WWP2: variants seen among roughly 807,000 people sequenced by gnomAD.
WWP2 encodes the protein WW domain containing E3 ubiquitin protein ligase 2.
Under a neutral mutation model 121.0 loss-of-function variants are expected in WWP2, and 57 were observed. The observed-to-expected ratio is 0.47, with a 90% CI of 0.38 to 0.59. The LOEUF (loss-of-function observed/expected upper bound fraction) is 0.59, where lower values mean the gene tolerates loss of function less well. WWP2 is among the 20% of genes least tolerant of loss of function. WWP2 has a pLI of 0.00. For missense variants in WWP2, 962 were observed against 1,158.9 expected (o/e 0.83, Z 2.47); for synonymous variants, 449 against 441.3 (o/e 1.02, Z -0.22).
intron 1 of WWP2, among the ~76,000 whole-genome samples, chr16:69,783,685 C>G (rs2055714039): frequency 6.6e-6 from 1 of 152,036 alleles, no homozygotes; most frequent in African/African-American, 2.4e-5. Context: ...GTGGCTCATG[C>G]TTGTAGTCCC....
intron 10 of WWP2, among the ~76,000 whole-genome samples, chr16:69,924,031 A>G (rs2058602770): frequency 6.6e-6 from 1 of 152,160 alleles, no homozygotes; most frequent in Admixed American, 6.5e-5. Context: ...AAGGGGCCCT[A>G]AATCAAGGTG....
intron 4 of WWP2, among the ~76,000 whole-genome samples, chr16:69,805,089 G>T (rs1350944470): frequency 6.6e-6 from 1 of 151,690 alleles, no homozygotes; most frequent in African/African-American, 2.4e-5. Flanking sequence ...ACCCAGGCTG[G>T]AGTACAGTGG....
At chr16:69,891,057 G>A (rs2058018376) in intron 8 of WWP2, among the ~76,000 whole-genome samples, 1 of 152,116 alleles carries the variant, frequency 6.6e-6, no homozygotes. Context: ...GGCTAGGAGG[G>A]CTCTGTGGGC....
At chr16:69,870,674 G>A (rs1017886985) in intron 6 of WWP2, among the ~76,000 whole-genome samples, 1 of 152,148 alleles carries the variant, frequency 6.6e-6, no homozygotes, top group African/African-American at 2.4e-5. Context: ...CTGTTTCTCT[G>A]TCTGGAGAGG....
chr16:69,827,540 A>AT (rs1017365524), intron 4 of WWP2, among the ~76,000 whole-genome samples: 3 of 152,248 alleles, frequency 2.0e-5, no homozygotes, highest in African/African-American at 7.2e-5. Context: ...ATACAAGGGA[A>AT]TTTTTTTAAA....
chr16:69,834,956 A>G (rs2056849704), intron 4 of WWP2, among the ~76,000 whole-genome samples: 1 of 152,080 alleles, frequency 6.6e-6, no homozygotes, highest in Non-Finnish European at 1.5e-5. Flanking sequence ...ATTTTTGCCC[A>G]TCTTGTTCCT....
chr16:69,880,675 C>G (rs55635123), intron 7 of WWP2, among the ~76,000 whole-genome samples: 8,046 of 152,256 alleles, frequency 0.053, 276 homozygotes, highest in Middle Eastern at 0.11. Context: ...ATTACGAAAT[C>G]TTTGTCCAGT....
Position 69,925,131 on chromosome 16 carries a change from C to T in WWP2, c.1180-299C>T. The T allele has an allele frequency of 8.7e-7, 1 of 1,148,198 alleles. No individual in the cohort carries two copies. Among genetic ancestry groups the T allele is most frequent in the Non-Finnish European group, 1.1e-6 (1 of 931,910 alleles). The allele number at this position is 1,148,198 out of a possible 1,614,324, so 71.1% of individuals were successfully genotyped here. On this transcript the variant is annotated intron_variant, in intron 10 of 23. Transcript: ENST00000359154. The surrounding 1 kb of genome is among the most constrained non-coding windows in gnomAD (Gnocchi z 4.0). ...CCTACCATGCCAGGGCTGCTCCCTGCCTCCGCCACCCTGGCACACCTTCAC... is the reference window on the plus strand; with the variant it reads ...CCTACCATGCCAGGGCTGCTCCCTGTCTCCGCCACCCTGGCACACCTTCAC...
chr16:69,879,861 TCTTA>T (rs1213115615), intron 7 of WWP2, among the ~76,000 whole-genome samples: 9 of 152,222 alleles, frequency 5.9e-5, no homozygotes, highest in Non-Finnish European at 7.3e-5. Flanking sequence ...TTGCATTTTA[TCTTA>T]CTTCTGTGAG....
chr16:69,931,509 T>G lies in WWP2; in HGVS notation c.1522T>G (p.Ser508Ala). 6 of 1,613,300 alleles carry G rather than the reference T, an allele frequency of 3.7e-6. No homozygotes were observed. The highest frequency in any genetic ancestry group is 4.2e-6 in the Non-Finnish European group (5 of 1,179,764). ...KYHQFRFLCH[S>A]NALPSHVKIS... ...AGTTCTTTTCTTTTTTTTTTTTCAGTCAAATGCCCTACCTAGCCACGTGAA... is the reference window on the plus strand; with the variant it reads ...AGTTCTTTTCTTTTTTTTTTTTCAGGCAAATGCCCTACCTAGCCACGTGAA... Residue 508 changes from serine to alanine, a missense_variant and splice_region_variant, in exon 15 of 24, where the codon TCA becomes GCA. Physicochemically the swap from Ser to Ala is moderately conservative, Grantham distance 99. This residue lies in a region of WWP2 where 606 missense variants were observed against 772.6 expected (regional missense o/e 0.78). Coordinates refer to ENST00000359154, the MANE Select transcript of WWP2 (RefSeq NM_001270454.2).
intron 6 of WWP2, among the ~76,000 whole-genome samples, chr16:69,850,628 A>T (rs1458637594): frequency 6.6e-6 from 1 of 152,176 alleles, no homozygotes; most frequent in Non-Finnish European, 1.5e-5. Context: ...GGGTTCAGGG[A>T]TGTCACTGCA....
chr16:69,932,081 G>C (rs1240722461), intron 16 of WWP2, among the ~76,000 whole-genome samples, 191 bp downstream of exon 16: 1 of 152,258 alleles, frequency 6.6e-6, no homozygotes, highest in Non-Finnish European at 1.5e-5. Flanking sequence ...TATAATCCCA[G>C]CACTTTGGGA....
At chr16:69,768,434 C>A (rs969216944) in intron 1 of WWP2, among the ~76,000 whole-genome samples, 1 of 151,974 alleles carries the variant, frequency 6.6e-6, no homozygotes, top group South Asian at 2.1e-4. Flanking sequence ...CATGGAGAAA[C>A]CCCGTCTCTA....
chr16:69,821,407 C>T (rs572693810), intron 4 of WWP2, among the ~76,000 whole-genome samples: 1 of 152,304 alleles, frequency 6.6e-6, no homozygotes, highest in Non-Finnish European at 1.5e-5. Flanking sequence ...AACAATCCTG[C>T]ACCCTGTGTC....
In WWP2 at chr16:69,925,088, G is replaced by A. The variant is rs1480723315; in HGVS notation, c.1180-342G>A. ...GAGCTGAGCGGAGGCACTGGGCCGA[G>A]CCTGCTTCCCGGGCCTTCCTACCAT... is the stretch of plus-strand genomic sequence containing the variant. On this transcript the variant is annotated intron_variant, in intron 10 of 23. Coordinates refer to ENST00000359154, the MANE Select transcript of WWP2 (RefSeq NM_001270454.2). The surrounding 1 kb of genome is among the most constrained non-coding windows in gnomAD (Gnocchi z 4.0). 3 of 1,062,304 alleles carry A rather than the reference G, an allele frequency of 2.8e-6. No individual in the cohort carries two copies. The highest frequency in any genetic ancestry group is 4.3e-4 in the Middle Eastern group (1 of 2,306). 65.8% of individuals were successfully genotyped at this position (1,062,304 alleles called of 1,614,324 possible). A position where few individuals can be genotyped will look rare whatever the true frequency, so the allele number is the denominator to read the frequency against.
At position 69,935,864 on chromosome 16, in the gene WWP2, TG is replaced by T; in HGVS notation, c.1856del (p.Gly619GlufsTer23). 1 of 1,613,562 alleles carries T rather than the reference TG, an allele frequency of 6.2e-7. No homozygotes were observed. The highest frequency in any genetic ancestry group is 8.5e-7 in the Non-Finnish European group (1 of 1,179,772). On this transcript the variant is annotated frameshift_variant, in exon 18 of 24. Coordinates refer to ENST00000359154, the MANE Select transcript of WWP2 (RefSeq NM_001270454.2). LOFTEE classifies it high-confidence loss of function. The surrounding 1 kb of genome is among the most constrained non-coding windows in gnomAD (Gnocchi z 5.2). ...CTCTTCCTTCCCAGGCGCTGTACCA[TG>T]GAAAGTTCATCGACACGGGCTTCAC... ...GRFIAMALYH[G>X]KFIDTGFTLP... is the part of the protein sequence containing the mutation.
At chr16:69,809,254 C>T (rs1213628626) in intron 4 of WWP2, among the ~76,000 whole-genome samples, 5 of 152,138 alleles carry the variant, frequency 3.3e-5, no homozygotes, top group Non-Finnish European at 5.9e-5. Flanking sequence ...CAATGGCGTA[C>T]GTAGCCTATG....
Position 69,886,521 on chromosome 16 carries a change from A to G in WWP2, c.704-1518A>G, listed in dbSNP as rs147166577. Among the ~76,000 whole-genome samples the G allele has an allele frequency of 5.1e-3, 773 of 151,822 alleles. 6 individuals carry two copies. The highest frequency in any genetic ancestry group is 0.018 in the African/African-American group (741 of 41,432). ...ATGCCTGTAATCCCAGCACTTTGGGAGGCTGCAGTGGGCATATCACTTGAG... is the reference window on the plus strand; with the variant it reads ...ATGCCTGTAATCCCAGCACTTTGGGGGGCTGCAGTGGGCATATCACTTGAG... On this transcript the variant is annotated intron_variant, in intron 7 of 23. Coordinates refer to ENST00000359154, the MANE Select transcript of WWP2 (RefSeq NM_001270454.2).
At chr16:69,798,577 T>C in intron 2 of WWP2, 105 bp from the exon 3 acceptor site, 4 of 1,343,098 alleles carry the variant, frequency 3.0e-6, no homozygotes, top group Non-Finnish European at 4.0e-6. Context: ...AATGTATTGA[T>C]TTATTTTTTA....
Sources: allele counts gnomAD v4.1 joint callset (sites outside exome capture counted in the v4.1 genomes callset), GRCh38; gene constraint gnomAD v4.1.1; regional missense constraint gnomAD v4.1.1; non-coding constraint Gnocchi (gnomAD v3.1); transcripts MANE v1.5; gene names NCBI Gene and HGNC (gene_info 2026-07-23, HGNC 2026-07-21).